The following ST14 variants were observed in gnomAD, a reference collection of about 807,000 sequenced individuals.
ST14 encodes suppressor of tumorigenicity 14 protein.
A neutral mutation model predicts 96.5 loss-of-function variants in ST14; 40 were observed. That is an observed-to-expected ratio of 0.41 (90% confidence interval 0.32 to 0.54). ST14 has a LOEUF of 0.54. ST14 is among the 20% of genes least tolerant of loss of function. The pLI is 0.17. For missense variants in ST14, 1,066 were observed against 1,188.9 expected, an observed-to-expected ratio of 0.90 and a Z score of 1.52; for synonymous variants, 506 against 492.1, an observed-to-expected ratio of 1.03 and a Z score of -0.37.
rs780782960 is a variant in ST14 at position 130,198,638 on chromosome 11, C to T, written c.1684+17C>T. The stretch of plus-strand genomic sequence containing the variant: ...GCCCCAAGGGTGAGGCCCGCCCCAC[C>T]CATCTTCCTGTTGGGGGCCTCGCCC... On this transcript the variant is annotated intron_variant, in intron 14 of 18. Coordinates refer to ENST00000278742, the MANE Select transcript of ST14 (RefSeq NM_021978.4). 1 of 1,605,976 alleles carries T rather than the reference C, an allele frequency of 6.2e-7. No individual in the cohort carries two copies. The highest frequency in any genetic ancestry group is 8.5e-7 in the Non-Finnish European group (1 of 1,173,704).
intron 1 of ST14, among the ~76,000 whole-genome samples, chr11:130,182,056 A>G (rs997586338): frequency 1.3e-5 from 2 of 152,172 alleles, no homozygotes; most frequent in Non-Finnish European, 2.9e-5. Flanking sequence ...AGAATTCTGG[A>G]ACCTAACCAC....
intron 11 of ST14, 98 bp from the exon 12 acceptor site, chr11:130,197,743 G>A: frequency 1.9e-6 from 2 of 1,034,226 alleles, no homozygotes; most frequent in Non-Finnish European, 2.8e-6. Flanking sequence ...CTGCTCCTGT[G>A]TGTTTGTGGC....
rs1172903307 is a variant in ST14, at chr11:130,187,622, G to T, written c.82-492G>T. Among the ~76,000 whole-genome samples the T allele has an allele frequency of 6.6e-6, 1 of 152,146 alleles. No individual in the cohort carries two copies. Among genetic ancestry groups the T allele is most frequent in the African/African-American group, 2.4e-5 (1 of 41,430 alleles). ...TTGAGTGCTGGCCACAGGCTCCTGG[G>T]CCAGGTGATGGGGGGATTGAATCTG... On this transcript the variant is annotated intron_variant, in intron 1 of 18. Transcript: ENST00000278742. This position sits in a 1 kb window ranked among gnomAD's most constrained non-coding sequence, Gnocchi z 4.5.
chr11:130,172,078 T>A (rs1310769170), intron 1 of ST14, among the ~76,000 whole-genome samples: 1 of 152,040 alleles, frequency 6.6e-6, no homozygotes. Context: ...GCTGCTGAAG[T>A]CTTGCTCTTT....
Position 130,210,149 on chromosome 11 carries a change from G to A in ST14, c.*326G>A, listed in dbSNP as rs1953538176. ...TATCTGCCTCCCCTGTCTCTAAGGA[G>A]CAGCGGGAACGGAGCTTCGGGGCCT... On this transcript the variant is annotated 3_prime_UTR_variant, in exon 19 of 19. Transcript: ENST00000278742. 1 of 280,580 alleles carries A rather than the reference G, an allele frequency of 3.6e-6. No homozygotes were observed. The highest frequency in any genetic ancestry group is 6.8e-6 in the Non-Finnish European group (1 of 146,904). The allele number at this position is 280,580 out of a possible 1,614,324, so 17.4% of individuals were successfully genotyped here.
At chr11:130,189,205 C>G in intron 4 of ST14, 1 of 569,466 alleles carries the variant, frequency 1.8e-6, no homozygotes, top group Non-Finnish European at 3.2e-6. Context: ...GGCTGTGATT[C>G]TTTGTTGTTT....
intron 14 of ST14, 96 bp from the exon 15 acceptor site, chr11:130,198,851 A>G (rs1953397841): frequency 8.1e-6 from 13 of 1,607,024 alleles, no homozygotes; most frequent in Non-Finnish European, 1.1e-5. Flanking sequence ...TGAGGGGGTA[A>G]TGTGCAGGGG....
At chr11:130,180,541 C>A (rs1396018102) in intron 1 of ST14, among the ~76,000 whole-genome samples, 1 of 152,164 alleles carries the variant, frequency 6.6e-6, no homozygotes, top group Non-Finnish European at 1.5e-5. Context: ...CTCTGAGCAG[C>A]CCATGGCAAA....
In ST14 at chr11:130,181,151, T is replaced by C. The variant is rs1412353298; in HGVS notation, c.82-6963T>C. On this transcript the variant is annotated intron_variant, in intron 1 of 18. Coordinates refer to ENST00000278742, the MANE Select transcript of ST14 (RefSeq NM_021978.4). This position sits in a 1 kb window ranked among gnomAD's most constrained non-coding sequence, Gnocchi z 4.1. ...TGGGTGGGATGGCGGTGGTCCCTGCTGGGTGGGATGGTGGTGATCTGATCT... is the reference window on the plus strand; with the variant it reads ...TGGGTGGGATGGCGGTGGTCCCTGCCGGGTGGGATGGTGGTGATCTGATCT... Among the ~76,000 whole-genome samples, 2 of 151,732 alleles carry C rather than the reference T, an allele frequency of 1.3e-5. No individual in the cohort carries two copies. Among genetic ancestry groups the C allele is most frequent in the African/African-American group, 4.8e-5 (2 of 41,282 alleles).
At chr11:130,166,476 C>T (rs527727401) in intron 1 of ST14, among the ~76,000 whole-genome samples, 7 of 152,308 alleles carry the variant, frequency 4.6e-5, no homozygotes, top group African/African-American at 1.4e-4. Context: ...TCAGGCTGCT[C>T]GTCACCCCTT....
At chr11:130,208,357 C>G in intron 16 of ST14, 53 bp from the exon 17 acceptor site, 9 of 1,612,924 alleles carry the variant, frequency 5.6e-6, no homozygotes, top group Non-Finnish European at 6.8e-6. Context: ...GCCGCGAGGC[C>G]GTGTGCACAG....
At position 130,188,958 on chromosome 11, in the gene ST14, C is replaced by G. The variant is rs533608436; in HGVS notation, c.440+19C>G. On this transcript the variant is annotated intron_variant, in intron 4 of 18. Transcript: ENST00000278742. The surrounding 1 kb of genome is among the most constrained non-coding windows in gnomAD (Gnocchi z 5.4). ...CCTTCAGGTGGGTGTGGAGAGAAGG[C>G]TCAGTGGGATGCACCCCAGACTGGC... 1.2e-6 allele frequency: 2 copies of G among 1,603,164 alleles called. No individual in the cohort carries two copies. The highest frequency in any genetic ancestry group is 1.1e-5 in the South Asian group (1 of 88,760).
intron 5 of ST14, 64 bp from the exon 6 acceptor site, chr11:130,190,049 A>G (rs1209245529): frequency 1.9e-6 from 3 of 1,613,274 alleles, no homozygotes; most frequent in South Asian, 2.2e-5. Context: ...TTAGATAATA[A>G]GGAAGCAGGA....
At chr11:130,190,769 T>C (rs1277746450) in intron 7 of ST14, 75 bp downstream of exon 7, 3 of 1,484,052 alleles carry the variant, frequency 2.0e-6, no homozygotes, top group South Asian at 1.3e-5. Flanking sequence ...TCTTCAACGA[T>C]TGGGATACAG....
chr11:130,208,278 C>T, intron 16 of ST14, 132 bp from the exon 17 acceptor site: 2 of 1,281,742 alleles, frequency 1.6e-6, no homozygotes, highest in South Asian at 1.3e-5. Context: ...CAAGTAAGAG[C>T]CGGCCCCATC....
chr11:130,198,897 C>T lies in ST14; in HGVS notation c.1685-50C>T, dbSNP rs185718335. The T allele has an allele frequency of 9.4e-5, 151 of 1,612,172 alleles. No homozygotes were observed. The African/African-American group carries it at 1.5e-3, about 16-fold the overall frequency. On this transcript the variant is annotated intron_variant, in intron 14 of 18. Coordinates refer to ENST00000278742, the MANE Select transcript of ST14 (RefSeq NM_021978.4). ...CCATTGGTGGTTTCTGGCTTCTGGTCGGATGCTGCAGAGGAATTGAGCCCC... is the reference window on the plus strand; with the variant it reads ...CCATTGGTGGTTTCTGGCTTCTGGTTGGATGCTGCAGAGGAATTGAGCCCC...
rs1204151280 is a variant in ST14, at chr11:130,210,119, G to A, written c.*296G>A. The stretch of plus-strand genomic sequence containing the variant: ...CCCCAAGCTGGGCCGAGGCGCGTTT[G>A]TGCATATCTGCCTCCCCTGTCTCTA... On this transcript the variant is annotated 3_prime_UTR_variant, in exon 19 of 19. Transcript: ENST00000278742. 1 of 418,562 alleles carries A rather than the reference G, an allele frequency of 2.4e-6. No homozygotes were observed. Among genetic ancestry groups the A allele is most frequent in the Non-Finnish European group, 4.4e-6 (1 of 228,108 alleles). The allele number at this position is 418,562 out of a possible 1,614,324, so 25.9% of individuals were successfully genotyped here. A position where few individuals can be genotyped will look rare whatever the true frequency, so the allele number is the denominator to read the frequency against.
intron 11 of ST14, 61 bp from the exon 12 acceptor site, chr11:130,197,780 C>G: frequency 7.1e-7 from 1 of 1,417,058 alleles, no homozygotes; most frequent in Non-Finnish European, 9.6e-7. Flanking sequence ...GGGAGGGAGC[C>G]GGGAGCCAGC....
At chr11:130,203,387 C>A (rs1953451821) in intron 16 of ST14, among the ~76,000 whole-genome samples, 1 of 152,214 alleles carries the variant, frequency 6.6e-6, no homozygotes, top group African/African-American at 2.4e-5. Flanking sequence ...GTAGCCTGGG[C>A]AGCTGCAGCA....
Sources: allele counts gnomAD v4.1 joint callset (sites outside exome capture counted in the v4.1 genomes callset), GRCh38; gene constraint gnomAD v4.1.1; non-coding constraint Gnocchi (gnomAD v3.1); transcripts MANE v1.5; gene names NCBI Gene and HGNC (gene_info 2026-07-23, HGNC 2026-07-21).